DNAH11: variants seen among roughly 807,000 people sequenced by gnomAD.
DNAH11 encodes the protein axonemal beta dynein heavy chain 11.
A neutral mutation model predicts 526.0 loss-of-function variants in DNAH11; 442 were observed. The ratio of observed to expected loss-of-function variants is 0.84; its 90% CI spans 0.78 to 0.91. The LOEUF (loss-of-function observed/expected upper bound fraction) is 0.91. DNAH11 is among the 40% of genes least tolerant of loss of function. The pLI is 0.00. For missense variants in DNAH11, 6,989 were observed against 5,448.7 expected (o/e 1.28, Z -8.90); for synonymous variants, 2,461 against 1,935.9 (o/e 1.27, Z -7.12).
In DNAH11 at chr7:21,619,088, T is replaced by TC. The variant is rs747116832; in HGVS notation, c.4255-7dup. 2 of 1,613,210 alleles carry TC rather than the reference T, an allele frequency of 1.2e-6. No individual in the cohort carries two copies. The highest frequency in any genetic ancestry group is 1.1e-5 in the South Asian group (1 of 91,054). Reference sequence around the variant, plus strand: ...GTGGAATATAAAGTCTAACTTTTTTTCCCCCAATCAGGTCAAGTTTTTAAT... The same window carrying TC: ...GTGGAATATAAAGTCTAACTTTTTTTCCCCCCAATCAGGTCAAGTTTTTAAT... On this transcript the variant is annotated splice_polypyrimidine_tract_variant and intron_variant, in intron 23 of 81. Coordinates refer to ENST00000409508, the MANE Select transcript of DNAH11 (RefSeq NM_001277115.2).
At chr7:21,657,345 A>T (rs534291023) in intron 29 of DNAH11, among the ~76,000 whole-genome samples, 2 of 152,152 alleles carry the variant, frequency 1.3e-5, no homozygotes, top group African/African-American at 4.8e-5. Context: ...GAGAAAATGG[A>T]TATGCACATA....
chr7:21,695,197 C>T (rs1235792481), intron 35 of DNAH11, among the ~76,000 whole-genome samples: 1 of 152,186 alleles, frequency 6.6e-6, no homozygotes, highest in Non-Finnish European at 1.5e-5. Context: ...CAATGCTATT[C>T]CCATCAAGCT....
At chr7:21,832,416 C>T (rs560214622) in intron 65 of DNAH11, among the ~76,000 whole-genome samples, 66 of 152,278 alleles carry the variant, frequency 4.3e-4, no homozygotes, top group Non-Finnish European at 7.6e-4. Flanking sequence ...ATTTCTCCTT[C>T]GCTTATGAAG....
chr7:21,790,193 T>A (rs979190586), intron 61 of DNAH11, among the ~76,000 whole-genome samples: 4 of 152,058 alleles, frequency 2.6e-5, no homozygotes, highest in Admixed American at 2.6e-4. Flanking sequence ...ACACCTGTAA[T>A]CCCAGCACTT....
chr7:21,748,446 G>T (rs568922253), intron 51 of DNAH11, 134 bp from the exon 52 acceptor site: 2 of 993,748 alleles, frequency 2.0e-6, no homozygotes, highest in African/African-American at 3.3e-5. Flanking sequence ...CCAAGATCGC[G>T]CCACTGCACT....
At chr7:21,712,068 C>T (rs1784483738) in intron 42 of DNAH11, among the ~76,000 whole-genome samples, 1 of 152,180 alleles carries the variant, frequency 6.6e-6, no homozygotes, top group Non-Finnish European at 1.5e-5. Flanking sequence ...TGGCAACCTT[C>T]ATTCTACTTT....
At chr7:21,786,824 A>T (rs1376672193) in intron 59 of DNAH11, 57 bp downstream of exon 59, 12 of 1,598,034 alleles carry the variant, frequency 7.5e-6, no homozygotes, top group Non-Finnish European at 1.0e-5. Context: ...TGTTTTCAGT[A>T]CTGTGGTTAT....
At position 21,710,461 on chromosome 7, in the gene DNAH11, A is replaced by G. The variant is rs72657349; in HGVS notation, c.6684-92A>G. 4,730 of 1,195,516 alleles carry G rather than the reference A, an allele frequency of 4.0e-3. 19 individuals are homozygous for G. The highest frequency in any genetic ancestry group is 6.8e-3 in the Middle Eastern group (24 of 3,512). The allele number at this position is 1,195,516 out of a possible 1,614,324, so 74.1% of individuals were successfully genotyped here. A position where few individuals can be genotyped will look rare whatever the true frequency, so the allele number is the denominator to read the frequency against. ...CTGCCCGCAAGAAAGAGGCAGCAAA[A>G]TCGTTTTTATTTAGTTAATAAAAGA... On this transcript the variant is annotated intron_variant, in intron 40 of 81. Transcript: ENST00000409508.
At chr7:21,855,446 C>G (rs1186256829) in intron 68 of DNAH11, among the ~76,000 whole-genome samples, 2 of 152,170 alleles carry the variant, frequency 1.3e-5, no homozygotes, top group African/African-American at 2.4e-5. Flanking sequence ...ATAAGAACAA[C>G]TATTTATTGA....
Position 21,683,801 on chromosome 7 carries a change from T to C in DNAH11, c.5478T>C (p.Ala1826=). The change falls in exon 32 of 82, where the codon GCT becomes GCC. Residue 1826 remains alanine (A), a synonymous_variant. Transcript: ENST00000409508. ...GCCTTTAGGTTGTCAGTCCCCAAGC[T>C]TTTACATGGCTGTCTCAACTTCGTC... ...LISQKVVSPQ[A]FTWLSQLRHR... The C allele has an allele frequency of 6.2e-7, 1 of 1,609,514 alleles. No homozygotes were observed. The highest frequency in any genetic ancestry group is 8.5e-7 in the Non-Finnish European group (1 of 1,177,536).
intron 54 of DNAH11, 121 bp downstream of exon 54, chr7:21,750,485 C>T: frequency 7.9e-7 from 1 of 1,273,758 alleles, no homozygotes. Flanking sequence ...AGGACGTGTG[C>T]ATTTTTACAC....
intron 65 of DNAH11, among the ~76,000 whole-genome samples, chr7:21,834,452 C>T (rs549831735): frequency 6.6e-6 from 1 of 151,708 alleles, no homozygotes; most frequent in Admixed American, 6.6e-5. Flanking sequence ...CAAACTAAAC[C>T]CAAAATTAGT....
chr7:21,687,939 G>A (rs892424448), intron 34 of DNAH11, among the ~76,000 whole-genome samples: 5 of 152,086 alleles, frequency 3.3e-5, no homozygotes, highest in African/African-American at 1.2e-4. Context: ...GCATGTGCCT[G>A]TAGTCCCAGT....
intron 25 of DNAH11, among the ~76,000 whole-genome samples, chr7:21,630,201 C>T (rs1786538451): frequency 6.6e-6 from 1 of 151,926 alleles, no homozygotes; most frequent in Non-Finnish European, 1.5e-5. Context: ...GAAGAAGAAA[C>T]TCCATTCCTT....
intron 66 of DNAH11, among the ~76,000 whole-genome samples, chr7:21,845,440 T>C (rs539650086): frequency 6.6e-6 from 1 of 152,292 alleles, no homozygotes; most frequent in African/African-American, 2.4e-5. Flanking sequence ...TATCTAGTTG[T>C]CTCAGCACCG....
intron 35 of DNAH11, among the ~76,000 whole-genome samples, chr7:21,694,871 G>C (rs1201512600): frequency 6.6e-6 from 1 of 152,134 alleles, no homozygotes; most frequent in Non-Finnish European, 1.5e-5. Context: ...GTTGTTTCCA[G>C]ACTTTTTAAT....
intron 9 of DNAH11, among the ~76,000 whole-genome samples, chr7:21,583,841 T>G (rs183126977): frequency 1.3e-5 from 2 of 152,342 alleles, no homozygotes; most frequent in East Asian, 3.9e-4. Flanking sequence ...TCATCATCAC[T>G]GGTCATTAGA....
At chr7:21,625,201 A>G (rs897755190) in intron 25 of DNAH11, among the ~76,000 whole-genome samples, 3 of 151,822 alleles carry the variant, frequency 2.0e-5, no homozygotes, top group Admixed American at 6.6e-5. Context: ...TTAGTATTCA[A>G]TCAGTGTCTT....
intron 46 of DNAH11, among the ~76,000 whole-genome samples, chr7:21,738,101 C>T (rs1785696088): frequency 6.6e-6 from 1 of 152,100 alleles, no homozygotes; most frequent in Admixed American, 6.6e-5. Flanking sequence ...TACTACATCT[C>T]AGACACGCAC....
Sources: gnomAD v4.1 joint callset for allele counts (sites outside exome capture counted in the v4.1 genomes callset) on GRCh38, gnomAD v4.1.1 for gene constraint, MANE v1.5 for transcripts, NCBI Gene and HGNC (gene_info 2026-07-23, HGNC 2026-07-21) for gene names.